PCDHA6: variants seen among roughly 807,000 people sequenced by gnomAD.
PCDHA6 encodes protocadherin alpha 6.
A neutral mutation model predicts 60.3 loss-of-function variants in PCDHA6; 55 were observed. The ratio of observed to expected loss-of-function variants is 0.91; its 90% confidence interval spans 0.73 to 1.14. The LOEUF (loss-of-function observed/expected upper bound fraction) is 1.14. Among genes scored for constraint, PCDHA6 ranks in the 50% most tolerant of loss-of-function variants. The probability of loss-of-function intolerance (pLI) is 0.00; values close to 1 mark genes in which losing one functional copy is unlikely to be tolerated. For synonymous variants in PCDHA6, 652 were observed against 557.9 expected (o/e 1.17, Z -2.38); for missense variants, 1,327 against 1,256.5 (o/e 1.06, Z -0.85).
chr5:140,979,807 A>T (rs376087021), intron 2 of PCDHA6, among the ~76,000 whole-genome samples: 2 of 152,258 alleles, frequency 1.3e-5, no homozygotes, highest in African/African-American at 4.8e-5. Flanking sequence ...CACAACTATC[A>T]AAAGGATTTA....
rs782144486 is a variant in PCDHA6, at chr5:140,875,746, C to A, written c.2394+45261C>A. ...TTTGTTTGTGAATTCTCGGATCGAC[C>A]GCGAGAAGCTGTGCGGGCGGAGCGC... is the stretch of plus-strand genomic sequence containing the variant. On this transcript the variant is annotated intron_variant, in intron 1 of 3. Coordinates refer to ENST00000529310, the MANE Select transcript of PCDHA6 (RefSeq NM_018909.4). 7.4e-6 allele frequency: 12 copies of A among 1,614,096 alleles called. No homozygotes were observed. In the East Asian group the frequency reaches 2.0e-4, roughly 27 times the overall value.
intron 1 of PCDHA6, among the ~76,000 whole-genome samples, chr5:140,935,656 CTTTTA>C (rs1300447387): frequency 6.6e-6 from 1 of 151,868 alleles, no homozygotes; most frequent in African/African-American, 2.4e-5. Context: ...TTTTAATTTT[CTTTTA>C]TAATTATGTG....
intron 1 of PCDHA6, chr5:140,881,915 C>G (rs1431128063): frequency 1.7e-5 from 4 of 240,684 alleles, no homozygotes; most frequent in African/African-American, 8.9e-5. Flanking sequence ...AAATGTTGAG[C>G]AGAATGCAGT....
At chr5:140,848,532 C>G (rs2150412105) in intron 1 of PCDHA6, 1 of 1,594,974 alleles carries the variant, frequency 6.3e-7, no homozygotes, top group Non-Finnish European at 8.6e-7. Context: ...AGAGGGTCAG[C>G]CTCTACTGCT....
chr5:140,854,176 AG>A (rs2150310267), intron 1 of PCDHA6: 7 of 663,702 alleles, frequency 1.1e-5, no homozygotes, highest in East Asian at 1.3e-4. Flanking sequence ...AAAAAAAAAA[AG>A]AGTAGTTTAA....
chr5:140,926,414 A>C, intron 1 of PCDHA6: 1 of 152,834 alleles, frequency 6.5e-6, no homozygotes, highest in Non-Finnish European at 1.5e-5. Context: ...ATCTGCGGGC[A>C]GAGGATGTGG....
chr5:140,945,620 C>T (rs1451535910), intron 1 of PCDHA6, among the ~76,000 whole-genome samples: 2 of 152,092 alleles, frequency 1.3e-5, no homozygotes, highest in African/African-American at 4.8e-5. Context: ...CAGCATGGTA[C>T]TGGCATAAAA....
intron 1 of PCDHA6, chr5:140,870,381 G>T: frequency 6.2e-7 from 1 of 1,614,214 alleles, no homozygotes; most frequent in African/African-American, 1.3e-5. Flanking sequence ...TGGTGACTGC[G>T]CGGGATGGGG....
intron 3 of PCDHA6, among the ~76,000 whole-genome samples, chr5:141,000,193 A>G (rs554462748): frequency 2.0e-5 from 3 of 151,958 alleles, no homozygotes; most frequent in Non-Finnish European, 4.4e-5. Flanking sequence ...ATGTGAGAAT[A>G]GTTTTTCACC....
At chr5:140,985,129 G>T (rs545746675) in intron 3 of PCDHA6, among the ~76,000 whole-genome samples, 15 of 152,188 alleles carry the variant, frequency 9.9e-5, no homozygotes, top group Admixed American at 8.5e-4. Context: ...AGTAAAGACG[G>T]GGTTTCACCG....
chr5:140,968,727 G>A, intron 1 of PCDHA6: 1 of 1,614,162 alleles, frequency 6.2e-7, no homozygotes, highest in Admixed American at 1.7e-5. Context: ...GAGAGTGGTA[G>A]CACTTTCAAC....
At chr5:140,899,479 A>T (rs2067352016) in intron 1 of PCDHA6, among the ~76,000 whole-genome samples, 1 of 152,194 alleles carries the variant, frequency 6.6e-6, no homozygotes, top group Non-Finnish European at 1.5e-5. Flanking sequence ...TTCTGTTTAT[A>T]TGCTGGATTA....
At chr5:140,856,634 C>A (rs2044123180) in intron 1 of PCDHA6, 2 of 1,597,826 alleles carry the variant, frequency 1.3e-6, no homozygotes, top group African/African-American at 1.3e-5. Flanking sequence ...GCTTGTTCTG[C>A]GGAAGCTGCT....
intron 1 of PCDHA6, chr5:140,869,272 G>A: frequency 6.2e-7 from 1 of 1,613,572 alleles, no homozygotes; most frequent in Non-Finnish European, 8.5e-7. Flanking sequence ...GCTGGAGCTG[G>A]CGGAGCTGGT....
At chr5:140,845,354 C>A (rs2150378670) in intron 1 of PCDHA6, among the ~76,000 whole-genome samples, 4 of 149,532 alleles carry the variant, frequency 2.7e-5, no homozygotes, top group Non-Finnish European at 6.0e-5. Context: ...ATTTAATTGA[C>A]TTTTACAAAA....
At chr5:140,967,921 C>G (rs781932025) in intron 1 of PCDHA6, 1 of 1,614,172 alleles carries the variant, frequency 6.2e-7, no homozygotes, top group East Asian at 2.2e-5. Flanking sequence ...CCATTGTGGC[C>G]GTTCTCAGTG....
intron 1 of PCDHA6, chr5:140,863,555 T>A (rs2153224638): frequency 2.6e-6 from 1 of 378,382 alleles, no homozygotes; most frequent in East Asian, 6.5e-5. Flanking sequence ...CAATAGGAAA[T>A]TTTTGAGAAT....
chr5:140,995,787 T>C (rs2097697894), intron 3 of PCDHA6, among the ~76,000 whole-genome samples: 1 of 152,152 alleles, frequency 6.6e-6, no homozygotes, highest in Non-Finnish European at 1.5e-5. Context: ...AGGTTTAAAA[T>C]TTGTCTCATG....
chr5:140,935,318 T>A (rs1554210460), intron 1 of PCDHA6, among the ~76,000 whole-genome samples: 1 of 152,194 alleles, frequency 6.6e-6, no homozygotes, highest in African/African-American at 2.4e-5. Flanking sequence ...TTCATCAATC[T>A]TACATTCCTA....
Sources: gnomAD v4.1 joint callset for allele counts (sites outside exome capture counted in the v4.1 genomes callset) on GRCh38, gnomAD v4.1.1 for gene constraint, MANE v1.5 for transcripts, NCBI Gene and HGNC (gene_info 2026-07-23, HGNC 2026-07-21) for gene names.